Variants in EIF4G1 observed in about 807,000 individuals in gnomAD.
EIF4G1 encodes the protein EIF4-gamma.
In EIF4G1, 4 loss-of-function variants were observed where a neutral mutation model predicts 187.8. That is an observed-to-expected ratio of 0.02 (90% CI 0.01 to 0.05). EIF4G1 has a LOEUF of 0.05. Ranked by LOEUF, EIF4G1 falls within the 10% of genes least tolerant of loss-of-function variation. EIF4G1 has a pLI of 1.00. For synonymous variants in EIF4G1, 844 were observed against 781.4 expected, an observed-to-expected ratio of 1.08 and a Z score of -1.34; for missense variants, 1,647 against 2,081.1, an observed-to-expected ratio of 0.79 and a Z score of 4.06.
intron 32 of EIF4G1, among the ~76,000 whole-genome samples, chr3:184,332,575 T>C (rs1245653535): frequency 6.6e-6 from 1 of 151,962 alleles, no homozygotes; most frequent in Non-Finnish European, 1.5e-5. Flanking sequence ...AGCCGAGCAA[T>C]TTCCTGTGCT....
Position 184,322,527 on chromosome 3 carries a change from A to T in EIF4G1, c.1609-17A>T, listed in dbSNP as rs1204950680. 1.2e-6 allele frequency: 2 copies of T among 1,614,028 alleles called. No homozygotes were observed. The highest frequency in any genetic ancestry group is 4.5e-5 in the East Asian group (2 of 44,860). On this transcript the variant is annotated splice_polypyrimidine_tract_variant and intron_variant, in intron 11 of 32. Transcript: ENST00000346169. ...GTGGTCATTCTGCAACCAAAACTGG[A>T]TGTTCTGTTGTTCTAGGCGAACCCG...
intron 32 of EIF4G1, 58 bp downstream of exon 32, chr3:184,332,144 A>G: frequency 6.2e-7 from 1 of 1,612,498 alleles, no homozygotes; most frequent in South Asian, 1.1e-5. Flanking sequence ...ATAGCAGGGC[A>G]TGAGACCCTT....
chr3:184,325,201 A>T lies in EIF4G1; in HGVS notation c.2857-68A>T. On this transcript the variant is annotated intron_variant, in intron 18 of 32. Transcript: ENST00000346169. The surrounding 1 kb of genome is among the most constrained non-coding windows in gnomAD (Gnocchi z 5.2). ...CAATGATGGGGCGGAAGGCCTGAGG[A>T]GGGGTGGGGCCTGCAGTTATAGGTG... 1 of 1,601,006 alleles carries T rather than the reference A, an allele frequency of 6.2e-7. No individual in the cohort carries two copies. The highest frequency in any genetic ancestry group is 8.6e-7 in the Non-Finnish European group (1 of 1,168,340).
Position 184,328,172 on chromosome 3 carries a change from G to C in EIF4G1, c.3953+170G>C, listed in dbSNP as rs1322205849. The C allele has an allele frequency of 4.1e-6, 3 of 727,534 alleles. No homozygotes were observed. The African/African-American group carries it at 5.2e-5, about 13-fold the overall frequency. 45.1% of individuals were successfully genotyped at this position (727,534 alleles called of 1,614,324 possible). A position where few individuals can be genotyped will look rare whatever the true frequency, so the allele number is the denominator to read the frequency against. ...GCCAAGGTGGGTTGGATTCCTTAGA[G>C]GATCACGTGAGGTTGGGAGTTCTAG... On this transcript the variant is annotated intron_variant, in intron 26 of 32. Coordinates refer to ENST00000346169, the MANE Select transcript of EIF4G1 (RefSeq NM_198241.3).
rs1722617080 is a variant in EIF4G1 at position 184,315,565 on chromosome 3, C to T, written c.-35+20C>T. 1 of 762,392 alleles carries T rather than the reference C, an allele frequency of 1.3e-6. No individual in the cohort carries two copies. Among genetic ancestry groups the T allele is most frequent in the Non-Finnish European group, 2.4e-6 (1 of 410,938 alleles). The allele number at this position is 762,392 out of a possible 1,614,324, so 47.2% of individuals were successfully genotyped here. On this transcript the variant is annotated intron_variant, in intron 2 of 32. Transcript: ENST00000346169. ...GAGGGGGTGAGTGAGGGGTCTGTTTCAGTAGGTCAGGGGTTGGTTGGAAGT... is the reference window on the plus strand; with the variant it reads ...GAGGGGGTGAGTGAGGGGTCTGTTTTAGTAGGTCAGGGGTTGGTTGGAAGT...
Position 184,324,935 on chromosome 3 carries a change from C to T in EIF4G1, c.2677C>T (p.Arg893Trp), listed in dbSNP as rs940435791. ...ELEEARDIAR[R>W]RSLGNIKFIG... ...GGAAGAGGCTCGGGACATAGCCCGG[C>T]GGCGCTCTTTAGGGAATATCAAGTT... The change falls in exon 18 of 33, where the codon CGG (arginine) becomes TGG (tryptophan). Residue 893 changes from arginine (R) to tryptophan (W), a missense_variant. Physicochemically the swap from Arg to Trp is moderately radical, Grantham distance 101 (BLOSUM62 -3). Coordinates refer to ENST00000346169, the MANE Select transcript of EIF4G1 (RefSeq NM_198241.3). 8 of 1,614,066 alleles carry T rather than the reference C, an allele frequency of 5.0e-6. No homozygotes were observed. The highest frequency in any genetic ancestry group is 2.7e-5 in the African/African-American group (2 of 74,934).
chr3:184,327,197 T>TTGTC lies in EIF4G1; in HGVS notation c.3429-9_3429-6dup. On this transcript the variant is annotated intron_variant, in intron 23 of 32. Transcript: ENST00000346169. ...CTGGGCAGTGCAAGTGAGTGAAAAT[T>TTGTC]TGTCTGTCTGTCTTCCAGGAGTAGC... The TTGTC allele has an allele frequency of 1.9e-6, 3 of 1,612,316 alleles. No individual in the cohort carries two copies. Among genetic ancestry groups the TTGTC allele is most frequent in the Non-Finnish European group, 2.5e-6 (3 of 1,179,990 alleles).
intron 4 of EIF4G1, 126 bp downstream of exon 4, chr3:184,316,344 C>A: frequency 8.1e-7 from 1 of 1,239,394 alleles, no homozygotes; most frequent in Non-Finnish European, 1.1e-6. Context: ...TTCTTTCATG[C>A]GGCTCTGCGC....
Position 184,323,530 on chromosome 3 carries a change from C to T in EIF4G1, c.2211C>T (p.Ser737=), listed in dbSNP as rs1399004650. 1 of 1,614,156 alleles carries T rather than the reference C, an allele frequency of 6.2e-7. No homozygotes were observed. The highest frequency in any genetic ancestry group is 8.5e-7 in the Non-Finnish European group (1 of 1,180,054). Residue 737 remains serine (S), a synonymous_variant, in exon 15 of 33, where the codon AGC becomes AGT. Transcript: ENST00000346169. The surrounding 1 kb of genome is among the most constrained non-coding windows in gnomAD (Gnocchi z 6.9). ...AAGCAGAGAAAGCCTGGAAACCCAG[C>T]AGCAAGCGGACGGCGGCTGATAAGG... ...LNKAEKAWKP[S]SKRTAADKDR...
Position 184,324,298 on chromosome 3 carries a change from A to G in EIF4G1, c.2570A>G (p.Asp857Gly). 6.2e-7 allele frequency: 1 copy of G among 1,614,228 alleles called. No individual in the cohort carries two copies. Among genetic ancestry groups the G allele is most frequent in the Non-Finnish European group, 8.5e-7 (1 of 1,180,042 alleles). ...AAGGAGTTTGAGAAAGACAAAGATG[A>G]TGATGAGGTTTTTGAGAAGAAGCAA... is the stretch of plus-strand genomic sequence containing the variant. Reference protein sequence around the residue: ...CQKEFEKDKDDDEVFEKKQKE... With the variant: ...CQKEFEKDKDGDEVFEKKQKE... Residue 857 changes from aspartate to glycine, a missense_variant, in exon 17 of 33, where the codon GAT (aspartate) becomes GGT (glycine). By Grantham distance (94) the Asp-to-Gly change is moderately conservative (BLOSUM62 -1). Coordinates refer to ENST00000346169, the MANE Select transcript of EIF4G1 (RefSeq NM_198241.3).
intron 21 of EIF4G1, 134 bp downstream of exon 21, chr3:184,326,085 C>T: frequency 1.1e-6 from 1 of 926,976 alleles, no homozygotes. Flanking sequence ...GACAGGACTG[C>T]CAGCTGTAGA....
rs1307902699 is a variant in EIF4G1, at chr3:184,321,973, GGAA to G, written c.1394_1396del (p.Glu465del). On this transcript the variant is annotated inframe_deletion, in exon 10 of 33. Coordinates refer to ENST00000346169, the MANE Select transcript of EIF4G1 (RefSeq NM_198241.3). ...AGGAAATGGAAGAAGAAGAAGAAGA[GGAA>G]GAAGGAGAAGCAGGAGAAGCAGGAG... 4 of 1,613,782 alleles carry G rather than the reference GGAA, an allele frequency of 2.5e-6. No individual in the cohort carries two copies. Among genetic ancestry groups the G allele is most frequent in the East Asian group, 4.5e-5 (2 of 44,878 alleles).
intron 21 of EIF4G1, among the ~76,000 whole-genome samples, 186 bp from the exon 22 acceptor site, chr3:184,326,341 T>C (rs1015598626): frequency 6.6e-6 from 1 of 152,224 alleles, no homozygotes; most frequent in Admixed American, 6.5e-5. Context: ...GCCTTTATCA[T>C]CTACAGCTGG....
Position 184,327,621 on chromosome 3 carries a change from C to A in EIF4G1, c.3697C>A (p.Leu1233Met), listed in dbSNP as rs780223766. 3.1e-6 allele frequency: 5 copies of A among 1,614,176 alleles called. No individual in the cohort carries two copies. The highest frequency in any genetic ancestry group is 4.2e-6 in the Non-Finnish European group (5 of 1,180,010). The change falls in exon 25 of 33, where the codon CTG (leucine) becomes ATG (methionine). Residue 1233 changes from leucine to methionine, a missense_variant. Coordinates refer to ENST00000346169, the MANE Select transcript of EIF4G1 (RefSeq NM_198241.3). ...AGCTGCCCTACCCCCAGTGAGCCCC[C>A]TGAAGGCGGCTCTCTCTGAGGAGGA... ...REAALPPVSP[L>M]KAALSEEELE... is the part of the protein sequence containing the mutation.
Position 184,334,752 on chromosome 3 carries a change from A to G in EIF4G1, c.4644A>G (p.Ala1548=), listed in dbSNP as rs773355686. Residue 1548 remains alanine (A), a synonymous_variant, in exon 33 of 33, where the codon GCA becomes GCG. Coordinates refer to ENST00000346169, the MANE Select transcript of EIF4G1 (RefSeq NM_198241.3). This position sits in a 1 kb window ranked among gnomAD's most constrained non-coding sequence, Gnocchi z 5.8. ...ACCTGCTGCGGATGTTCTTTGACGC[A>G]CTGTATGACGAGGACGTGGTGAAGG... ...PPNLLRMFFD[A]LYDEDVVKED... The G allele has an allele frequency of 5.6e-6, 9 of 1,614,180 alleles. No homozygotes were observed. The highest frequency in any genetic ancestry group is 7.6e-6 in the Non-Finnish European group (9 of 1,180,034).
chr3:184,333,277 T>G (rs1008944071), intron 32 of EIF4G1, among the ~76,000 whole-genome samples: 2 of 152,146 alleles, frequency 1.3e-5, no homozygotes, highest in African/African-American at 4.8e-5. Flanking sequence ...TGAGTTGTGG[T>G]CCTTGAGTAA....
chr3:184,326,032 C>G, intron 21 of EIF4G1, 81 bp downstream of exon 21: 1 of 1,429,394 alleles, frequency 7.0e-7, no homozygotes, highest in Admixed American at 1.7e-5. Context: ...GAGAAGGTGA[C>G]AGCTGAATGT....
Position 184,317,312 on chromosome 3 carries a change from T to G in EIF4G1, c.148-9T>G. 6.2e-7 allele frequency: 1 copy of G among 1,613,992 alleles called. No individual in the cohort carries two copies. The stretch of plus-strand genomic sequence containing the variant: ...TTACAATGCCAACTGCTTTCCTCCC[T>G]CCTGACAGCACTTCTACCCTAGCCG... On this transcript the variant is annotated splice_polypyrimidine_tract_variant and intron_variant, in intron 4 of 32. Transcript: ENST00000346169.
chr3:184,316,582 G>A lies in EIF4G1; in HGVS notation c.147+364G>A. 2.3e-6 allele frequency: 2 copies of A among 880,232 alleles called. 1 individual carries two copies. The highest frequency in any genetic ancestry group is 3.3e-5 in the South Asian group (2 of 60,840). The allele number at this position is 880,232 out of a possible 1,614,324, so 54.5% of individuals were successfully genotyped here. ...GAGGTAAACACTCCAGCTGGTCCTT[G>A]CCTTTCTCTGTTCCCCAGCTTCTTC... On this transcript the variant is annotated intron_variant, in intron 4 of 32. Coordinates refer to ENST00000346169, the MANE Select transcript of EIF4G1 (RefSeq NM_198241.3).
Sources: gnomAD v4.1 joint callset for allele counts (sites outside exome capture counted in the v4.1 genomes callset) on GRCh38, gnomAD v4.1.1 for gene constraint, Gnocchi (gnomAD v3.1) non-coding constraint, MANE v1.5 for transcripts, NCBI Gene and HGNC (gene_info 2026-07-23, HGNC 2026-07-21) for gene names.